GPD2: variants seen among roughly 807,000 people sequenced by gnomAD.
GPD2 encodes glycerol-3-phosphate dehydrogenase, mitochondrial.
A neutral mutation model predicts 82.4 loss-of-function variants in GPD2; 54 were observed. That is an observed-to-expected ratio of 0.66 (90% CI 0.53 to 0.82). The LOEUF (loss-of-function observed/expected upper bound fraction) is 0.82, where lower values mean the gene tolerates loss of function less well. Among genes scored for constraint, GPD2 ranks in the 40% least tolerant of loss-of-function variants. The pLI is 0.00. For missense variants in GPD2, 748 were observed against 896.2 expected, an observed-to-expected ratio of 0.83 and a Z score of 2.11; for synonymous variants, 288 against 306.1, an observed-to-expected ratio of 0.94 and a Z score of 0.62.
At position 156,582,039 on chromosome 2, in the gene GPD2, C is replaced by T. The variant is rs947934301; in HGVS notation, c.2059-754C>T. ...TATATGATGAATAGCTAAATCTTTTCTTTTTAAAACAAATAAAAAAGATTA... is the reference window on the plus strand; with the variant it reads ...TATATGATGAATAGCTAAATCTTTTTTTTTTAAAACAAATAAAAAAGATTA... On this transcript the variant is annotated intron_variant, in intron 16 of 16. Coordinates refer to ENST00000438166, the MANE Select transcript of GPD2 (RefSeq NM_000408.5). Among the ~76,000 whole-genome samples the T allele has an allele frequency of 4.0e-5, 6 of 151,610 alleles. No homozygotes were observed. In the East Asian group the frequency reaches 1.2e-3, roughly 29 times the overall value.
At chr2:156,496,650 A>C (rs1269137126) in intron 3 of GPD2, among the ~76,000 whole-genome samples, 1 of 136,200 alleles carries the variant, frequency 7.3e-6, no homozygotes, top group Non-Finnish European at 1.6e-5. Context: ...CACTTCAATG[A>C]ATTTGTTTAA....
At chr2:156,561,062 T>TTTTGTTTTTG in intron 9 of GPD2, among the ~76,000 whole-genome samples, 1 of 139,964 alleles carries the variant, frequency 7.1e-6, no homozygotes, top group African/African-American at 2.7e-5. Flanking sequence ...TTTTTTTTTT[T>TTTTGTTTTTG]TTTGAGATGG....
chr2:156,571,730 A>G lies in GPD2; in HGVS notation c.1767+438A>G, dbSNP rs539025530. Among the ~76,000 whole-genome samples, 6 of 145,654 alleles carry G rather than the reference A, an allele frequency of 4.1e-5. No individual in the cohort carries two copies. In the East Asian group the frequency reaches 1.4e-3, roughly 33 times the overall value. ...ATATTCCAAATTTTAAAAGCTGGTG[A>G]TGCTCAGATGCATACACACACACAC... On this transcript the variant is annotated intron_variant, in intron 13 of 16. Transcript: ENST00000438166.
chr2:156,417,562 TGTTA>T, the GPD2 span, among the ~76,000 whole-genome samples: 1 of 152,162 alleles, frequency 6.6e-6, no homozygotes, highest in African/African-American at 2.4e-5. Flanking sequence ...TTCCAAACAC[TGTTA>T]GTTCGTGAGA....
chr2:156,464,355 T>A (rs1683083032), intron 1 of GPD2, among the ~76,000 whole-genome samples: 1 of 152,204 alleles, frequency 6.6e-6, no homozygotes, highest in Non-Finnish European at 1.5e-5. Context: ...GTTTCCTTTT[T>A]CATATATGCA....
chr2:156,401,232 C>A, the GPD2 span, among the ~76,000 whole-genome samples: 8 of 152,174 alleles, frequency 5.3e-5, no homozygotes, highest in African/African-American at 1.9e-4. Flanking sequence ...AGCAAATGTG[C>A]TTTTCTATTG....
intron 1 of GPD2, among the ~76,000 whole-genome samples, chr2:156,458,650 G>T (rs1682868888): frequency 6.6e-6 from 1 of 152,116 alleles, no homozygotes; most frequent in Admixed American, 6.5e-5. Context: ...TTTTACTGTA[G>T]TTCATTAAAG....
At chr2:156,542,781 C>G (rs1331468870) in intron 6 of GPD2, among the ~76,000 whole-genome samples, 1 of 152,138 alleles carries the variant, frequency 6.6e-6, no homozygotes, top group Non-Finnish European at 1.5e-5. Flanking sequence ...TTAACTTGAA[C>G]ACTTTCTGTA....
chr2:156,538,966 G>A (rs546277083), intron 6 of GPD2, among the ~76,000 whole-genome samples: 68 of 152,004 alleles, frequency 4.5e-4, no homozygotes, highest in African/African-American at 1.5e-3. Context: ...TGCTTTTATA[G>A]TTAAAAAGAT....
At chr2:156,506,693 C>T (rs1156420387) in intron 3 of GPD2, among the ~76,000 whole-genome samples, 2 of 152,086 alleles carry the variant, frequency 1.3e-5, no homozygotes, top group African/African-American at 2.4e-5. Flanking sequence ...CTTCATTGCC[C>T]CAACTCCTGT....
In GPD2 at chr2:156,579,823, T is replaced by G. The variant is rs766577360; in HGVS notation, c.2058+35T>G. Reference sequence around the variant, plus strand: ...GGTGAAAGGAAACAAGGATATTTGCTTTTATCTTTTGTTTGTCATGATCAT... The same window carrying G: ...GGTGAAAGGAAACAAGGATATTTGCGTTTATCTTTTGTTTGTCATGATCAT... On this transcript the variant is annotated intron_variant, in intron 16 of 16. Coordinates refer to ENST00000438166, the MANE Select transcript of GPD2 (RefSeq NM_000408.5). 4 of 974,006 alleles carry G rather than the reference T, an allele frequency of 4.1e-6. 1 individual carries two copies. Among genetic ancestry groups the G allele is most frequent in the African/African-American group, 1.6e-5 (1 of 62,866 alleles). 60.3% of individuals were successfully genotyped at this position (974,006 alleles called of 1,614,324 possible). A position where few individuals can be genotyped will look rare whatever the true frequency, so the allele number is the denominator to read the frequency against.
At chr2:156,562,388 G>A (rs1050852112) in intron 9 of GPD2, among the ~76,000 whole-genome samples, 3 of 152,080 alleles carry the variant, frequency 2.0e-5, no homozygotes, top group African/African-American at 7.2e-5. Context: ...AGTGTCACAC[G>A]CTTTGCTTTT....
At chr2:156,543,597 A>T (rs1307131560) in intron 6 of GPD2, among the ~76,000 whole-genome samples, 1 of 152,226 alleles carries the variant, frequency 6.6e-6, no homozygotes, top group Non-Finnish European at 1.5e-5. Flanking sequence ...GGAAACACAG[A>T]AGAGGGAAGG....
the GPD2 span, among the ~76,000 whole-genome samples, chr2:156,427,272 G>A: frequency 6.6e-6 from 1 of 152,190 alleles, no homozygotes; most frequent in Non-Finnish European, 1.5e-5. Flanking sequence ...CTTGAAAGAG[G>A]AACTGAGTGG....
At chr2:156,528,630 T>G (rs1264268630) in intron 6 of GPD2, among the ~76,000 whole-genome samples, 1 of 124,192 alleles carries the variant, frequency 8.1e-6, no homozygotes, top group African/African-American at 3.1e-5. Context: ...GATGTTCCCC[T>G]TCCTGTGTCC....
intron 9 of GPD2, among the ~76,000 whole-genome samples, chr2:156,564,903 C>T (rs1003348572): frequency 2.6e-5 from 4 of 152,026 alleles, no homozygotes; most frequent in Non-Finnish European, 5.9e-5. Flanking sequence ...CTTTGTGACT[C>T]GGAATCTTTT....
intron 9 of GPD2, among the ~76,000 whole-genome samples, chr2:156,561,532 A>G (rs1413861047): frequency 6.6e-6 from 1 of 152,138 alleles, no homozygotes; most frequent in African/African-American, 2.4e-5. Flanking sequence ...GCTGCTAGAT[A>G]CCTTTAGCAT....
intron 6 of GPD2, among the ~76,000 whole-genome samples, chr2:156,530,705 T>C (rs1239920371): frequency 6.6e-6 from 1 of 152,156 alleles, no homozygotes; most frequent in Non-Finnish European, 1.5e-5. Context: ...GTTTTTGTCT[T>C]TAGTTCTGTT....
chr2:156,579,901 TGAA>T (rs747889503), intron 16 of GPD2, 113 bp downstream of exon 16: 55 of 717,842 alleles, frequency 7.7e-5, no homozygotes, highest in East Asian at 1.6e-4. Flanking sequence ...CAGATTATTC[TGAA>T]GAAGAAGAAA....
Sources: allele counts gnomAD v4.1 joint callset (sites outside exome capture counted in the v4.1 genomes callset), GRCh38; gene constraint gnomAD v4.1.1; transcripts MANE v1.5; gene names NCBI Gene and HGNC (gene_info 2026-07-23, HGNC 2026-07-21).